SEMA5A: variants seen among roughly 807,000 people sequenced by gnomAD.
SEMA5A encodes the protein semaphorin 5A.
SEMA5A carries 55 observed loss-of-function variants against 135.5 expected under a neutral mutation model. The observed-to-expected ratio is 0.41, with a 90% CI of 0.33 to 0.51. The LOEUF is 0.51. SEMA5A is among the 20% of genes least tolerant of loss of function. The pLI, the probability that SEMA5A is intolerant of heterozygous loss-of-function variation, is 0.37. For synonymous variants in SEMA5A, 580 were observed against 546.5 expected (o/e 1.06, Z -0.85); for missense variants, 1,290 against 1,419.9 (o/e 0.91, Z 1.47).
intron 1 of SEMA5A, among the ~76,000 whole-genome samples, chr5:9,537,199 G>A (rs940829809): frequency 3.9e-5 from 6 of 152,064 alleles, no homozygotes; most frequent in East Asian, 1.9e-4. Flanking sequence ...TGAAGCTACC[G>A]GAACCAATAC....
At chr5:9,123,466 AAAGGAG>A (rs756650012) in intron 13 of SEMA5A, among the ~76,000 whole-genome samples, 4 of 151,078 alleles carry the variant, frequency 2.6e-5, no homozygotes, top group Middle Eastern at 3.2e-3. Flanking sequence ...AGGAGAAGAA[AAAGGAG>A]AAGGAGAAGA....
At chr5:9,063,449 G>T (rs80001889) in intron 17 of SEMA5A, among the ~76,000 whole-genome samples, 2,480 of 152,250 alleles carry the variant, frequency 0.016, 82 homozygotes, top group African/African-American at 0.056. Context: ...CTTTCCTTGG[G>T]AATTCTACAA....
intron 15 of SEMA5A, 83 bp downstream of exon 15, chr5:9,118,915 A>G: frequency 6.5e-7 from 1 of 1,533,584 alleles, no homozygotes; most frequent in South Asian, 1.2e-5. Context: ...GCAGATCCAA[A>G]ACTAAAACCG....
rs141233951 is a variant in SEMA5A, at chr5:9,384,512, G to A, written c.-77-4489C>T. Among the ~76,000 whole-genome samples, 748 of 145,272 alleles carry A rather than the reference G, an allele frequency of 5.1e-3. 7 individuals are homozygous for A. Among genetic ancestry groups the A allele is most frequent in the African/African-American group, 0.018 (713 of 38,640 alleles). On this transcript the variant is annotated intron_variant, in intron 2 of 22. Coordinates refer to ENST00000382496, the MANE Select transcript of SEMA5A (RefSeq NM_003966.3). Reference sequence around the variant, plus strand: ...TCTAGACAATGTCAAATTGCCCCTGGTTGAGAACCTCTGCTATAGATAGAT... The same window carrying A: ...TCTAGACAATGTCAAATTGCCCCTGATTGAGAACCTCTGCTATAGATAGAT...
intron 20 of SEMA5A, among the ~76,000 whole-genome samples, chr5:9,051,636 T>C (rs1374708139): frequency 6.6e-6 from 1 of 152,248 alleles, no homozygotes; most frequent in Non-Finnish European, 1.5e-5. Context: ...GATTGCATTA[T>C]AGTTGATAAA....
chr5:9,370,964 A>G lies in SEMA5A; in HGVS notation c.124+8859T>C, dbSNP rs770977942. ...CCATTTAATGCTTAGAAAGATTATA[A>G]TATACTTAAAGATAGATAAAATACA... is the stretch of plus-strand genomic sequence containing the variant. On this transcript the variant is annotated intron_variant, in intron 3 of 22. Transcript: ENST00000382496. Among the ~76,000 whole-genome samples the G allele has an allele frequency of 2.6e-4, 39 of 152,242 alleles. 1 individual carries two copies. Among genetic ancestry groups the G allele is most frequent in the Admixed American group, 2.0e-3 (31 of 15,280 alleles).
chr5:9,542,722 G>A (rs1001304553), intron 1 of SEMA5A, among the ~76,000 whole-genome samples: 5 of 152,036 alleles, frequency 3.3e-5, no homozygotes, highest in Non-Finnish European at 7.4e-5. Flanking sequence ...CAGGATGTAC[G>A]GCTGCTGTAC....
chr5:9,338,028 G>C (rs1242044123), intron 3 of SEMA5A, among the ~76,000 whole-genome samples: 3 of 152,136 alleles, frequency 2.0e-5, no homozygotes, highest in Non-Finnish European at 2.9e-5. Context: ...ACCCAATAAA[G>C]AGCAAGCGAG....
intron 2 of SEMA5A, among the ~76,000 whole-genome samples, chr5:9,405,768 G>A (rs1756860642): frequency 1.3e-5 from 2 of 152,180 alleles, no homozygotes; most frequent in South Asian, 2.1e-4. Flanking sequence ...CTTCGAATAT[G>A]CTGGATTCTC....
chr5:9,110,912 T>C (rs570390259), intron 15 of SEMA5A, among the ~76,000 whole-genome samples: 5 of 152,304 alleles, frequency 3.3e-5, no homozygotes, highest in African/African-American at 1.2e-4. Flanking sequence ...AAGGACCTTC[T>C]AATTAAGAGA....
intron 3 of SEMA5A, among the ~76,000 whole-genome samples, chr5:9,379,049 C>T (rs1194125627): frequency 6.6e-6 from 1 of 152,004 alleles, no homozygotes; most frequent in African/African-American, 2.4e-5. Flanking sequence ...CTGCATGCTC[C>T]TTAGACTATT....
intron 5 of SEMA5A, among the ~76,000 whole-genome samples, chr5:9,288,937 C>T (rs572332898): frequency 2.0e-5 from 3 of 152,272 alleles, no homozygotes; most frequent in South Asian, 2.1e-4. Context: ...TATTTTTTCT[C>T]CCAAAATGAT....
intron 1 of SEMA5A, chr5:9,512,081 A>T (rs1156741409): frequency 6.6e-6 from 1 of 152,194 alleles, no homozygotes; most frequent in African/African-American, 2.4e-5. Context: ...CATCAGTCTT[A>T]TGTTCCTGGC....
At chr5:9,225,568 CA>C (rs3034595) in intron 7 of SEMA5A, among the ~76,000 whole-genome samples, 40,145 of 112,016 alleles carry the variant, frequency 0.36, 5,345 homozygotes, top group South Asian at 0.44. Flanking sequence ...GACTCTGTCT[CA>C]AAAAAAAAAA....
intron 5 of SEMA5A, among the ~76,000 whole-genome samples, chr5:9,255,375 T>C (rs1749010789): frequency 6.6e-6 from 1 of 152,176 alleles, no homozygotes; most frequent in African/African-American, 2.4e-5. Context: ...ATGGGTATGA[T>C]TAAGGATGAG....
At chr5:9,425,340 A>G (rs566590374) in intron 2 of SEMA5A, among the ~76,000 whole-genome samples, 8 of 152,364 alleles carry the variant, frequency 5.3e-5, no homozygotes, top group Non-Finnish European at 1.2e-4. Context: ...GCATATCGCC[A>G]GTGCCTAAAA....
intron 3 of SEMA5A, among the ~76,000 whole-genome samples, chr5:9,362,484 A>G (rs1754740624): frequency 1.3e-5 from 2 of 152,174 alleles, no homozygotes; most frequent in Admixed American, 1.3e-4. Flanking sequence ...ATACTACCCT[A>G]CGAGGGCAGA....
chr5:9,216,682 T>C (rs1220770788), intron 8 of SEMA5A, among the ~76,000 whole-genome samples: 2 of 152,244 alleles, frequency 1.3e-5, no homozygotes, highest in African/African-American at 2.4e-5. Context: ...TGTGCATATA[T>C]ATTTAGGATA....
intron 15 of SEMA5A, among the ~76,000 whole-genome samples, chr5:9,114,465 T>G (rs975096): frequency 0.61 from 92,290 of 151,448 alleles, 30,179 homozygotes; most frequent in African/African-American, 0.85. Flanking sequence ...TATGTTTTTT[T>G]TGTGTGTGTG....
Sources: gnomAD v4.1 joint callset for allele counts (sites outside exome capture counted in the v4.1 genomes callset) on GRCh38, gnomAD v4.1.1 for gene constraint, MANE v1.5 for transcripts, NCBI Gene and HGNC (gene_info 2026-07-23, HGNC 2026-07-21) for gene names.